Variants in HMCN2 observed in about 807,000 individuals in gnomAD.
HMCN2 encodes hemicentin-2.
HMCN2 carries 325 observed loss-of-function variants against 377.5 expected under a neutral mutation model. That is an observed-to-expected ratio of 0.86 (90% confidence interval 0.79 to 0.94). The LOEUF (loss-of-function observed/expected upper bound fraction) is 0.94. HMCN2 is among the 40% of genes least tolerant of loss of function. The pLI is 0.00. For missense variants in HMCN2, 4,543 were observed against 4,725.3 expected (o/e 0.96, Z 1.13); for synonymous variants, 2,007 against 2,046.8 (o/e 0.98, Z 0.53).
rs60456645 is a variant in HMCN2 at position 130,302,049 on chromosome 9, C to CTTTT, written c.1277-801_1277-798dup. Reference sequence around the variant, plus strand: ...CATTTATACCCATCCTCTAGCTGTGCTTTTTTTTTTGAGATGAAGTCTTGC... The same window carrying CTTTT: ...CATTTATACCCATCCTCTAGCTGTGCTTTTTTTTTTTTTTGAGATGAAGTCTTGC... On this transcript the variant is annotated intron_variant, in intron 8 of 97. Transcript: ENST00000683500. Among the ~76,000 whole-genome samples, 338 of 147,454 alleles carry CTTTT rather than the reference C, an allele frequency of 2.3e-3. 6 individuals are homozygous for CTTTT. The highest frequency in any genetic ancestry group is 6.6e-3 in the African/African-American group (260 of 39,564).
intron 26 of HMCN2, chr9:130,348,123 C>A: frequency 1.2e-6 from 1 of 819,494 alleles, no homozygotes; most frequent in Non-Finnish European, 1.5e-6. Context: ...ACGCCACCTG[C>A]TGCTTCCCCA....
chr9:130,266,677 C>T (rs531549173), intron 1 of HMCN2, among the ~76,000 whole-genome samples: 17 of 152,234 alleles, frequency 1.1e-4, no homozygotes, highest in Admixed American at 2.0e-4. Context: ...GGTCTTGTCC[C>T]CTCGCCTGTC....
rs967982223 is a variant in HMCN2 at position 130,391,506 on chromosome 9, G to A, written c.9884G>A (p.Gly3295Asp). The stretch of plus-strand genomic sequence containing the variant: ...AAAGGCCTGAGGGCCTCGGACGCGG[G>A]TGCCTACACCTGCGTGGCCCACAAC... ...VLKGLRASDA[G>D]AYTCVAHNPA... The change falls in exon 65 of 98, where the codon GGT becomes GAT. Residue 3295 changes from glycine to aspartate, a missense_variant. Physicochemically the swap from Gly to Asp is moderately conservative, Grantham distance 94. Around this residue, in one of 5 missense-constraint regions of HMCN2, gnomAD observed 1,073 missense variants for 1,319.5 expected, o/e 0.81. Coordinates refer to ENST00000683500, the MANE Select transcript of HMCN2 (RefSeq NM_001291815.2). 2.0e-6 allele frequency: 2 copies of A among 987,754 alleles called. No individual in the cohort carries two copies. The highest frequency in any genetic ancestry group is 2.8e-4 in the Middle Eastern group (1 of 3,552). 61.2% of individuals were successfully genotyped at this position (987,754 alleles called of 1,614,324 possible). A position where few individuals can be genotyped will look rare whatever the true frequency, so the allele number is the denominator to read the frequency against.
At chr9:130,329,789 G>T (rs1355543662) in intron 22 of HMCN2, among the ~76,000 whole-genome samples, 1 of 151,450 alleles carries the variant, frequency 6.6e-6, no homozygotes, top group African/African-American at 2.4e-5. Flanking sequence ...GCAGGCTCTG[G>T]GTCCTCTGGT....
intron 1 of HMCN2, among the ~76,000 whole-genome samples, chr9:130,278,091 CACT>C (rs1244638697): frequency 2.0e-5 from 3 of 152,164 alleles, no homozygotes; most frequent in Non-Finnish European, 2.9e-5. Context: ...TCACCACCAC[CACT>C]ATCATCATTG....
intron 1 of HMCN2, among the ~76,000 whole-genome samples, chr9:130,276,692 T>C (rs782653875): frequency 1.3e-5 from 2 of 152,200 alleles, no homozygotes; most frequent in Non-Finnish European, 2.9e-5. Context: ...TCTTGTGCCA[T>C]TGTGTCTGTC....
rs150932945 is a variant in HMCN2, at chr9:130,418,980, C to T, written c.13170C>T (p.Tyr4390=). The T allele has an allele frequency of 2.3e-3, 3,478 of 1,513,980 alleles. 4 individuals carry two copies. Among genetic ancestry groups the T allele is most frequent in the Non-Finnish European group, 2.8e-3 (3,177 of 1,126,756 alleles). 93.8% of individuals were successfully genotyped at this position (1,513,980 alleles called of 1,614,324 possible). The change falls in exon 86 of 98, where the codon TAC becomes TAT. Residue 4390 remains tyrosine, a synonymous_variant. Transcript: ENST00000683500. ...TGGAGACTGGGGATGCAGGCACCTACGACTGCGTCGCTCACAACCTCCTGG... is the reference window on the plus strand; with the variant it reads ...TGGAGACTGGGGATGCAGGCACCTATGACTGCGTCGCTCACAACCTCCTGG... ...ENVETGDAGT[Y]DCVAHNLLGS...
chr9:130,337,111 A>G (rs1369083246), intron 22 of HMCN2, among the ~76,000 whole-genome samples: 2 of 152,098 alleles, frequency 1.3e-5, no homozygotes, highest in African/African-American at 4.8e-5. Context: ...TGGAGGCAGG[A>G]GCTGTGCGGA....
In HMCN2 at chr9:130,402,256, C is replaced by G. The variant is rs1294082879; in HGVS notation, c.11771-533C>G. Among the ~76,000 whole-genome samples the G allele has an allele frequency of 3.9e-5, 6 of 152,340 alleles. No individual in the cohort carries two copies. In the East Asian group the frequency reaches 9.7e-4, roughly 25 times the overall value. ...CCCACCCAGCAGGCCCCCAGGGGCC[C>G]ACGGAGCACAATTTAGAACCCTCGT... On this transcript the variant is annotated intron_variant, in intron 77 of 97. Transcript: ENST00000683500.
At chr9:130,314,094 T>C (rs1837415899) in intron 15 of HMCN2, among the ~76,000 whole-genome samples, 1 of 152,234 alleles carries the variant, frequency 6.6e-6, no homozygotes, top group Non-Finnish European at 1.5e-5. Context: ...TGGATATGCC[T>C]CCTCTTTCTG....
intron 78 of HMCN2, 31 bp downstream of exon 78, chr9:130,402,927 C>G: frequency 7.8e-7 from 1 of 1,280,520 alleles, no homozygotes; most frequent in Non-Finnish European, 1.0e-6. Context: ...CCCCAGAGTT[C>G]CTAGGGCCAG....
rs548093965 is a variant in HMCN2, at chr9:130,428,319, A to G, written c.14066-39A>G. The G allele has an allele frequency of 2.0e-6, 3 of 1,496,348 alleles. No individual in the cohort carries two copies. The highest frequency in any genetic ancestry group is 2.0e-5 in the Admixed American group (1 of 48,794). 92.7% of individuals were successfully genotyped at this position (1,496,348 alleles called of 1,614,324 possible). The stretch of plus-strand genomic sequence containing the variant: ...GTCAGGTGGCGAGGCACGCCTGGGG[A>G]TCATGTTCACACAGCCGTCTGCCCT... On this transcript the variant is annotated intron_variant, in intron 92 of 97. Coordinates refer to ENST00000683500, the MANE Select transcript of HMCN2 (RefSeq NM_001291815.2). This position sits in a 1 kb window ranked among gnomAD's most constrained non-coding sequence, Gnocchi z 5.0.
At chr9:130,297,584 G>A (rs1414579422) in intron 7 of HMCN2, among the ~76,000 whole-genome samples, 1 of 152,230 alleles carries the variant, frequency 6.6e-6, no homozygotes, top group Admixed American at 6.5e-5. Context: ...GGAGGAGCCT[G>A]GATCAGGTCA....
chr9:130,305,824 C>T (rs1211928549), intron 11 of HMCN2, among the ~76,000 whole-genome samples: 1 of 152,186 alleles, frequency 6.6e-6, no homozygotes, highest in Non-Finnish European at 1.5e-5. Context: ...CTGGTAGCTG[C>T]CTGACATCTC....
chr9:130,399,301 A>G (rs1028391636), intron 75 of HMCN2, among the ~76,000 whole-genome samples: 2 of 152,096 alleles, frequency 1.3e-5, no homozygotes, highest in African/African-American at 4.8e-5. Context: ...TGGAAAACCA[A>G]TGTACAGAGA....
At chr9:130,366,078 C>T in intron 43 of HMCN2, 83 bp downstream of exon 43, 1 of 954,082 alleles carries the variant, frequency 1.0e-6, no homozygotes, top group East Asian at 1.2e-4. Context: ...TACCCCCACC[C>T]CAGAGCCTAG....
Position 130,428,593 on chromosome 9 carries a change from G to A in HMCN2, c.14197+104G>A. The A allele has an allele frequency of 7.1e-7, 1 of 1,415,554 alleles. No individual in the cohort carries two copies. Among genetic ancestry groups the A allele is most frequent in the Non-Finnish European group, 9.5e-7 (1 of 1,055,616 alleles). The allele number at this position is 1,415,554 out of a possible 1,614,324, so 87.7% of individuals were successfully genotyped here. ...TGTGTCACTGGGCTCTGGGCTTCCA[G>A]GAAGACTGGGACTCTTGGCAGAAGG... On this transcript the variant is annotated intron_variant, in intron 93 of 97. Coordinates refer to ENST00000683500, the MANE Select transcript of HMCN2 (RefSeq NM_001291815.2). This position sits in a 1 kb window ranked among gnomAD's most constrained non-coding sequence, Gnocchi z 5.0.
At chr9:130,338,750 C>T (rs1249946519) in intron 23 of HMCN2, 1 of 152,250 alleles carries the variant, frequency 6.6e-6, no homozygotes, top group Admixed American at 6.5e-5. Context: ...ACAGGCCCAA[C>T]TATGGCCCAA....
At chr9:130,340,379 C>T (rs1838981693) in intron 23 of HMCN2, among the ~76,000 whole-genome samples, 1 of 152,226 alleles carries the variant, frequency 6.6e-6, no homozygotes, top group Non-Finnish European at 1.5e-5. Context: ...GAGCAGGGTC[C>T]CTTGGCTATA....
Sources: allele counts gnomAD v4.1 joint callset (sites outside exome capture counted in the v4.1 genomes callset), GRCh38; gene constraint gnomAD v4.1.1; regional missense constraint gnomAD v4.1.1; non-coding constraint Gnocchi (gnomAD v3.1); transcripts MANE v1.5; gene names NCBI Gene and HGNC (gene_info 2026-07-23, HGNC 2026-07-21).